The following RHOBTB3 variants were observed in gnomAD, a reference collection of about 807,000 sequenced individuals.
RHOBTB3 encodes Rho related BTB domain containing 3, also known as rho-related BTB domain-containing protein 3.
Under a neutral mutation model 67.2 loss-of-function variants are expected in RHOBTB3, and 47 were observed. That is an observed-to-expected ratio of 0.70 (90% CI 0.55 to 0.89). The LOEUF is 0.89. Ranked by LOEUF, RHOBTB3 falls within the 40% of genes least tolerant of loss-of-function variation. RHOBTB3 has a pLI of 0.00. For synonymous variants in RHOBTB3, 273 were observed against 274.2 expected (o/e 1.00, Z 0.04); for missense variants, 631 against 750.0 (o/e 0.84, Z 1.85).
At position 95,755,731 on chromosome 5, in the gene RHOBTB3, T is replaced by G; in HGVS notation, c.1018T>G (p.Leu340Val). Residue 340 changes from leucine to valine, a missense_variant, in exon 6 of 12, where the codon TTA (leucine) becomes GTA (valine). Physicochemically the swap from Leu to Val is conservative, Grantham distance 32. Coordinates refer to ENST00000379982, the MANE Select transcript of RHOBTB3 (RefSeq NM_014899.4). ...IVKDALFCSCLSDILRFIYSG... is the reference protein window; with the variant it reads ...IVKDALFCSCVSDILRFIYSG... ...TAAAGACGCCCTCTTCTGTTCTTGT[T>G]TATCAGACATCCTTCGCTTCATTTA... 1.2e-6 allele frequency: 2 copies of G among 1,613,942 alleles called. No individual in the cohort carries two copies. The highest frequency in any genetic ancestry group is 2.2e-5 in the South Asian group (2 of 91,074).
chr5:95,732,015 G>C lies in RHOBTB3; in HGVS notation c.159G>C (p.Pro53=), dbSNP rs1254969408. ...LLNAASTVAR[P]VFTEYQASAF... is the part of the protein sequence containing the mutation. ...ACGCGGCCAGCACGGTCGCGCGTCCGGTGTTCACCGAGTATCAGGCCAGTG... is the reference window on the plus strand; with the variant it reads ...ACGCGGCCAGCACGGTCGCGCGTCCCGTGTTCACCGAGTATCAGGCCAGTG... Residue 53 remains proline (P), a synonymous_variant, in exon 2 of 12, where the codon CCG becomes CCC. Coordinates refer to ENST00000379982, the MANE Select transcript of RHOBTB3 (RefSeq NM_014899.4). 6 of 1,614,100 alleles carry C rather than the reference G, an allele frequency of 3.7e-6. No homozygotes were observed. The highest frequency in any genetic ancestry group is 5.1e-6 in the Non-Finnish European group (6 of 1,180,052).
In RHOBTB3 at chr5:95,795,187, T is replaced by A. The variant is rs1292363446; in HGVS notation, c.*2013T>A. The A allele has an allele frequency of 6.6e-6, 1 of 152,112 alleles. No homozygotes were observed. The highest frequency in any genetic ancestry group is 2.1e-4 in the South Asian group (1 of 4,828). 9.4% of individuals were successfully genotyped at this position (152,112 alleles called of 1,614,324 possible). A position where few individuals can be genotyped will look rare whatever the true frequency, so the allele number is the denominator to read the frequency against. ...AATATTTTAATTGGGCTGATTTTAA[T>A]TAGGCTGTATCATTGATGATTACTG... On this transcript the variant is annotated 3_prime_UTR_variant, in exon 12 of 12. Coordinates refer to ENST00000379982, the MANE Select transcript of RHOBTB3 (RefSeq NM_014899.4).
chr5:95,764,010 A>G (rs1217639271), intron 7 of RHOBTB3, among the ~76,000 whole-genome samples: 1 of 151,996 alleles, frequency 6.6e-6, no homozygotes, highest in Non-Finnish European at 1.5e-5. Flanking sequence ...TGGTTTTTCC[A>G]TGTTGCCCAG....
upstream of RHOBTB3, among the ~76,000 whole-genome samples, chr5:95,726,468 A>C (rs1755055558): frequency 6.6e-6 from 1 of 152,230 alleles, no homozygotes; most frequent in South Asian, 2.1e-4. Context: ...TTGCTAGCTA[A>C]TTGTAATCAG....
rs76239896 is a variant in RHOBTB3, at chr5:95,773,185, C to T, written c.1282+5019C>T. Among the ~76,000 whole-genome samples, 600 of 152,284 alleles carry T rather than the reference C, an allele frequency of 3.9e-3. 5 individuals carry two copies. The highest frequency in any genetic ancestry group is 0.01 in the Middle Eastern group (3 of 294). ...GGTGAATCCTTGCTCCTCCTAATGG[C>T]GTGCTTTTCTTCCATGATTCTACCT... is the stretch of plus-strand genomic sequence containing the variant. On this transcript the variant is annotated intron_variant, in intron 8 of 11. Transcript: ENST00000379982.
chr5:95,728,809 C>A (rs1386029398), upstream of RHOBTB3, among the ~76,000 whole-genome samples: 1 of 152,152 alleles, frequency 6.6e-6, no homozygotes, highest in African/African-American at 2.4e-5. Flanking sequence ...TCACAAAGAC[C>A]TTGCTGATAA....
chr5:95,766,129 A>T (rs774851016), intron 7 of RHOBTB3, among the ~76,000 whole-genome samples: 3 of 151,946 alleles, frequency 2.0e-5, no homozygotes, highest in Non-Finnish European at 4.4e-5. Flanking sequence ...TTGCTTATGG[A>T]TACCATTCTG....
At chr5:95,785,288 A>T (rs1469417461) in intron 10 of RHOBTB3, among the ~76,000 whole-genome samples, 8 of 152,218 alleles carry the variant, frequency 5.3e-5, no homozygotes. Context: ...TAGGGCTAAA[A>T]ACAAATTTAA....
intron 8 of RHOBTB3, among the ~76,000 whole-genome samples, chr5:95,775,479 T>C (rs1745846458): frequency 6.6e-6 from 1 of 150,614 alleles, no homozygotes; most frequent in South Asian, 2.1e-4. Flanking sequence ...TATCTCTCTC[T>C]TTCTCTCAAA....
At chr5:95,777,719 C>T (rs1271020849) in intron 8 of RHOBTB3, among the ~76,000 whole-genome samples, 1 of 152,130 alleles carries the variant, frequency 6.6e-6, no homozygotes, top group Non-Finnish European at 1.5e-5. Context: ...AACATCAAAA[C>T]AGTAGTTTAA....
chr5:95,783,105 T>G (rs1746109050), intron 9 of RHOBTB3, among the ~76,000 whole-genome samples: 1 of 150,708 alleles, frequency 6.6e-6, no homozygotes, highest in African/African-American at 2.4e-5. Flanking sequence ...TATTTATTTA[T>G]TTTTATTTTA....
rs112943182 is a variant in RHOBTB3, at chr5:95,775,067, G to C, written c.1283-5185G>C. 1.6e-4 allele frequency among the ~76,000 whole-genome samples: 24 copies of C among 152,236 alleles called. 1 individual carries two copies. The highest frequency in any genetic ancestry group is 5.3e-4 in the African/African-American group (22 of 41,530). ...TTAACTCAAAGGCGAGTGTGAGAGT[G>C]CTTAAAACACCTGGTTAGTGCACCT... On this transcript the variant is annotated intron_variant, in intron 8 of 11. Transcript: ENST00000379982.
intron 5 of RHOBTB3, 145 bp downstream of exon 5, chr5:95,752,495 G>A: frequency 1.5e-6 from 1 of 656,352 alleles, no homozygotes; most frequent in Admixed American, 3.4e-5. Context: ...ATAAGGCCTA[G>A]AATCTGTGTT....
chr5:95,724,049 C>T (rs543801756), intron 1 of RHOBTB3, among the ~76,000 whole-genome samples: 61 of 152,280 alleles, frequency 4.0e-4, no homozygotes, highest in Middle Eastern at 3.4e-3. Flanking sequence ...ACGATACATA[C>T]ATTATGAAAT....
At chr5:95,784,956 A>G (rs1464325058) in intron 10 of RHOBTB3, among the ~76,000 whole-genome samples, 1 of 152,208 alleles carries the variant, frequency 6.6e-6, no homozygotes, top group Admixed American at 6.5e-5. Context: ...TATTTGTTCA[A>G]TCACTACAGA....
At chr5:95,748,745 G>A (rs1423679784) in intron 4 of RHOBTB3, among the ~76,000 whole-genome samples, 1 of 152,122 alleles carries the variant, frequency 6.6e-6, no homozygotes, top group Non-Finnish European at 1.5e-5. Flanking sequence ...TTTGTTGTAT[G>A]TATCAAAAGC....
intron 6 of RHOBTB3, among the ~76,000 whole-genome samples, chr5:95,760,873 A>G (rs573309377): frequency 6.6e-5 from 10 of 152,276 alleles, no homozygotes; most frequent in Admixed American, 3.9e-4. Flanking sequence ...ATAAAAGGAA[A>G]GTCCCAGCCT....
chr5:95,784,189 G>A (rs1009731248), intron 10 of RHOBTB3, among the ~76,000 whole-genome samples: 5 of 152,132 alleles, frequency 3.3e-5, no homozygotes, highest in Admixed American at 6.5e-5. Flanking sequence ...GTCCAGATAC[G>A]GAATTTTTTT....
At chr5:95,783,028 T>G (rs548313229) in intron 9 of RHOBTB3, among the ~76,000 whole-genome samples, 1 of 151,572 alleles carries the variant, frequency 6.6e-6, no homozygotes, top group Admixed American at 6.6e-5. Context: ...TTCTGAAGAA[T>G]TAAAAAAAAA....
Sources: allele counts gnomAD v4.1 joint callset (sites outside exome capture counted in the v4.1 genomes callset), GRCh38; gene constraint gnomAD v4.1.1; transcripts MANE v1.5; gene names NCBI Gene and HGNC (gene_info 2026-07-23, HGNC 2026-07-21).